NDEL1: variants seen among roughly 807,000 people sequenced by gnomAD.
The protein encoded by NDEL1 is nudE neurodevelopment protein 1 like 1, also known as nuclear distribution protein nudE-like 1.
In NDEL1, 9 loss-of-function variants were observed where a neutral mutation model predicts 45.7. The observed-to-expected ratio is 0.20, with a 90% CI of 0.12 to 0.34. NDEL1 has a LOEUF of 0.34. Among genes scored for constraint, NDEL1 ranks in the 10% least tolerant of loss-of-function variants. The pLI is 1.00. For missense variants in NDEL1, 306 were observed against 406.2 expected (o/e 0.75, Z 2.12); for synonymous variants, 133 against 158.6 (o/e 0.84, Z 1.21).
intron 1 of NDEL1, among the ~76,000 whole-genome samples, chr17:8,415,427 C>CATTCATTTATTTATTTATTT (rs1555555530): frequency 6.8e-6 from 1 of 148,036 alleles, no homozygotes; most frequent in African/African-American, 2.5e-5. Context: ...ATAGTTTTAA[C>CATTCATTTATTTATTTATTT]ATTTATTTAT....
chr17:8,454,883 T>G lies in NDEL1; in HGVS notation c.788T>G (p.Val263Gly). ...ATCGTGGGGGATCTCTTACGGAAAG[T>G]AGGGGTAAGTTTCAATTATTTATCA... Reference protein sequence around the residue: ...LNIVGDLLRKVGALESKLAAC... With the variant: ...LNIVGDLLRKGGALESKLAAC... The change falls in exon 7 of 9, where the codon GTA becomes GGA. Residue 263 changes from valine (V) to glycine (G), a missense_variant. This residue lies in a region of NDEL1 where 175 missense variants were observed against 205.2 expected (regional missense o/e 0.85). Coordinates refer to ENST00000334527, the MANE Select transcript of NDEL1 (RefSeq NM_030808.5). The G allele has an allele frequency of 6.2e-7, 1 of 1,611,920 alleles. No homozygotes were observed. Among genetic ancestry groups the G allele is most frequent in the Non-Finnish European group, 8.5e-7 (1 of 1,178,626 alleles).
chr17:8,446,669 C>CT, intron 3 of NDEL1, 85 bp from the exon 4 acceptor site: 5 of 1,460,576 alleles, frequency 3.4e-6, no homozygotes, highest in Non-Finnish European at 4.7e-6. Flanking sequence ...CTTGGGTTCC[C>CT]CCCCACCCTT....
chr17:8,453,168 G>T (rs1383928660), intron 6 of NDEL1, among the ~76,000 whole-genome samples: 1 of 152,158 alleles, frequency 6.6e-6, no homozygotes, highest in Non-Finnish European at 1.5e-5. Context: ...CAGTACAGCG[G>T]TTTTTTATAT....
downstream of NDEL1, among the ~76,000 whole-genome samples, chr17:8,468,861 A>G (rs1017807136): frequency 7.2e-5 from 11 of 152,138 alleles, no homozygotes; most frequent in Non-Finnish European, 1.5e-4. Flanking sequence ...AAAATTGGCC[A>G]GGCATGGTGG....
At chr17:8,432,189 A>T (rs1909016021), upstream of NDEL1, 1 of 151,022 alleles carries the variant, frequency 6.6e-6, no homozygotes, top group Non-Finnish European at 1.5e-5. Context: ...CGTAACCATG[A>T]TATCAGCCAT....
chr17:8,455,553 G>A (rs936914338), intron 7 of NDEL1, among the ~76,000 whole-genome samples: 9 of 151,988 alleles, frequency 5.9e-5, no homozygotes, highest in African/African-American at 2.2e-4. Flanking sequence ...TCGGCATGGT[G>A]GCAGATGCCT....
At chr17:8,422,241 TC>T (rs1469826292) in intron 1 of NDEL1, among the ~76,000 whole-genome samples, 1 of 152,206 alleles carries the variant, frequency 6.6e-6, no homozygotes, top group African/African-American at 2.4e-5. Flanking sequence ...TAACACATAA[TC>T]TTTAGAAAAT....
Position 8,416,953 on chromosome 17 carries a change from C to G in NDEL1, c.-13+3684C>G, listed in dbSNP as rs6503115. ...TCAACCCTCATTGATTTTTAAAAAG[C>G]GCTCTTGTTCTCACTTCTTTTTTTG... On this transcript the variant is annotated intron_variant, in intron 1 of 4. Transcript: ENST00000582812. Among the ~76,000 whole-genome samples, 768 of 152,094 alleles carry G rather than the reference C, an allele frequency of 5.0e-3. 5 individuals are homozygous for G. Among genetic ancestry groups the G allele is most frequent in the African/African-American group, 0.018 (728 of 41,490 alleles).
intron 6 of NDEL1, among the ~76,000 whole-genome samples, chr17:8,451,857 G>A (rs1426996261): frequency 6.6e-6 from 1 of 151,958 alleles, no homozygotes; most frequent in Non-Finnish European, 1.5e-5. Flanking sequence ...ATGCTATGTG[G>A]GCAACTAGTA....
downstream of NDEL1, among the ~76,000 whole-genome samples, chr17:8,469,129 A>C (rs1017228592): frequency 6.6e-6 from 1 of 152,158 alleles, no homozygotes; most frequent in Admixed American, 6.5e-5. Flanking sequence ...TCCTGAGCTG[A>C]GTCTCCAGGG....
At chr17:8,455,446 G>C (rs1007219386) in intron 7 of NDEL1, among the ~76,000 whole-genome samples, 8 of 152,154 alleles carry the variant, frequency 5.3e-5, no homozygotes, top group Admixed American at 5.2e-4. Flanking sequence ...CCAGCACTTT[G>C]GGAGGCTGAG....
chr17:8,455,688 C>CAAAAA (rs34198702), intron 7 of NDEL1, among the ~76,000 whole-genome samples: 1 of 106,438 alleles, frequency 9.4e-6, no homozygotes, highest in African/African-American at 3.6e-5. Flanking sequence ...GACTCCATCT[C>CAAAAA]AAAAAAAAAA....
chr17:8,470,912 C>G (rs1911818425), downstream of NDEL1, among the ~76,000 whole-genome samples: 2 of 152,202 alleles, frequency 1.3e-5, no homozygotes, highest in South Asian at 4.1e-4. The surrounding 1 kb of genome is among the most constrained non-coding windows in gnomAD (Gnocchi z 4.2). Flanking sequence ...CCCGGAGATG[C>G]CACTAGTGCG....
chr17:8,470,884 G>A (rs537578490), downstream of NDEL1, among the ~76,000 whole-genome samples: 12 of 152,276 alleles, frequency 7.9e-5, no homozygotes, highest in African/African-American at 2.6e-4. The surrounding 1 kb of genome is among the most constrained non-coding windows in gnomAD (Gnocchi z 4.2). Context: ...TGCTGACTCC[G>A]CCTTTCTTGG....
At chr17:8,445,893 A>G in intron 3 of NDEL1, 29 bp downstream of exon 3, 1 of 1,416,692 alleles carries the variant, frequency 7.1e-7, no homozygotes, top group Non-Finnish European at 9.3e-7. Context: ...GCTGGGGTCT[A>G]ATGTGTTGAG....
chr17:8,422,786 G>C (rs1459711402), intron 1 of NDEL1, among the ~76,000 whole-genome samples: 1 of 151,024 alleles, frequency 6.6e-6, no homozygotes, highest in East Asian at 2.0e-4. Flanking sequence ...ACCCAGGCTG[G>C]AGTGCAATGG....
chr17:8,424,821 A>G (rs529289423), intron 1 of NDEL1, among the ~76,000 whole-genome samples: 1 of 152,108 alleles, frequency 6.6e-6, no homozygotes, highest in African/African-American at 2.4e-5. Context: ...TTTTTTTAAT[A>G]TAAAGTTTTT....
chr17:8,459,952 AT>A, intron 7 of NDEL1, 56 bp from the exon 8 acceptor site: 1 of 1,547,336 alleles, frequency 6.5e-7, no homozygotes. Flanking sequence ...TGAAATGCAA[AT>A]TTTTATGTGC....
At chr17:8,468,511 T>C (rs1911745130), downstream of NDEL1, among the ~76,000 whole-genome samples, 1 of 152,240 alleles carries the variant, frequency 6.6e-6, no homozygotes, top group Non-Finnish European at 1.5e-5. Context: ...CTGCCATTCA[T>C]GACAGATGTT....
Sources: allele counts gnomAD v4.1 joint callset (sites outside exome capture counted in the v4.1 genomes callset), GRCh38; gene constraint gnomAD v4.1.1; regional missense constraint gnomAD v4.1.1; non-coding constraint Gnocchi (gnomAD v3.1); transcripts MANE v1.5; gene names NCBI Gene and HGNC (gene_info 2026-07-23, HGNC 2026-07-21).